TMCC3: variants seen among roughly 807,000 people sequenced by gnomAD.
TMCC3 encodes transmembrane and coiled-coil domain protein 3.
TMCC3 carries 28 observed loss-of-function variants against 40.2 expected under a neutral mutation model. The observed-to-expected ratio is 0.70, with a 90% CI of 0.52 to 0.95. The LOEUF (loss-of-function observed/expected upper bound fraction) is 0.95. TMCC3 is among the 40% of genes least tolerant of loss of function. The probability of loss-of-function intolerance (pLI) is 0.00; values close to 1 mark genes in which losing one functional copy is unlikely to be tolerated. For missense variants in TMCC3, 554 were observed against 615.2 expected (o/e 0.90, Z 1.05); for synonymous variants, 255 against 248.5 (o/e 1.03, Z -0.25).
At position 94,582,965 on chromosome 12, in the gene TMCC3, CTTTTTTTT is replaced by C. The variant is rs753900771; in HGVS notation, c.79-435_79-428del. On this transcript the variant is annotated intron_variant, in intron 1 of 3. Coordinates refer to ENST00000261226, the MANE Select transcript of TMCC3 (RefSeq NM_020698.4). ...CTCACTCACTTAATAGAAGGAGAATCTTTTTTTTTTTTTTTTTTTTTTTTTTTTTAAAA... is the reference window on the plus strand; with the variant it reads ...CTCACTCACTTAATAGAAGGAGAATCTTTTTTTTTTTTTTTTTTTTTAAAA... Among the ~76,000 whole-genome samples, 20 of 59,958 alleles carry C rather than the reference CTTTTTTTT, an allele frequency of 3.3e-4. 1 individual carries two copies. Among genetic ancestry groups the C allele is most frequent in the Non-Finnish European group, 4.6e-4 (16 of 35,120 alleles). 39.3% of individuals were successfully genotyped at this position (59,958 alleles called of 152,430 possible).
intron 1 of TMCC3, among the ~76,000 whole-genome samples, chr12:94,641,477 C>G (rs866616861): frequency 2.6e-5 from 4 of 152,112 alleles, no homozygotes; most frequent in Non-Finnish European, 4.4e-5. Context: ...AGAAGTCACA[C>G]GGGCTTTTTC....
At chr12:94,574,649 A>G (rs1420487059) in intron 3 of TMCC3, among the ~76,000 whole-genome samples, 4 of 152,234 alleles carry the variant, frequency 2.6e-5, no homozygotes, top group Non-Finnish European at 5.9e-5. Context: ...AACTTCTATT[A>G]TACTAGGCTA....
At chr12:94,613,923 T>A (rs551126031) in intron 1 of TMCC3, 2 of 151,844 alleles carry the variant, frequency 1.3e-5, no homozygotes, top group East Asian at 3.9e-4. Flanking sequence ...TGAAACCCCA[T>A]CTCTACTAAA....
Position 94,571,525 on chromosome 12 carries a change from G to A in TMCC3, c.1344C>T (p.Gly448=), listed in dbSNP as rs2068527873. The part of the protein sequence containing the change: ...PMMKSRCHIL[G]TFFAVTLLAI... The stretch of plus-strand genomic sequence containing the variant: ...CAAGAAGAGTCACGGCAAAGAAGGT[G>A]CCAAGAATGTGGCAGCGACTCTTCA... Residue 448 remains glycine (G), a synonymous_variant, in exon 4 of 4, where the codon GGC becomes GGT. Transcript: ENST00000261226. The A allele has an allele frequency of 6.2e-7, 1 of 1,614,138 alleles. No individual in the cohort carries two copies. The highest frequency in any genetic ancestry group is 8.5e-7 in the Non-Finnish European group (1 of 1,180,014).
intron 1 of TMCC3, among the ~76,000 whole-genome samples, chr12:94,635,364 T>C (rs887645279): frequency 6.6e-6 from 1 of 152,106 alleles, no homozygotes; most frequent in Non-Finnish European, 1.5e-5. Flanking sequence ...CTCTTCCATC[T>C]CCCGAGCTGC....
Position 94,571,279 on chromosome 12 carries a change from T to A in TMCC3, c.*156A>T. 1 of 756,084 alleles carries A rather than the reference T, an allele frequency of 1.3e-6. No individual in the cohort carries two copies. Among genetic ancestry groups the A allele is most frequent in the African/African-American group, 1.8e-5 (1 of 56,750 alleles). 46.8% of individuals were successfully genotyped at this position (756,084 alleles called of 1,614,324 possible). ...GTACAAGGACTGAGTTGGCAACTGC[T>A]ACGGAGTTAAGAGAATTGTAGTTAT... On this transcript the variant is annotated 3_prime_UTR_variant, in exon 4 of 4. Transcript: ENST00000261226.
intron 1 of TMCC3, among the ~76,000 whole-genome samples, chr12:94,639,829 G>A (rs1456115539): frequency 6.6e-6 from 1 of 150,834 alleles, no homozygotes; most frequent in Admixed American, 6.6e-5. Context: ...ACTCGGTTCT[G>A]CTGAAATTTG....
intron 1 of TMCC3, chr12:94,598,867 A>G: frequency 1.4e-6 from 1 of 739,350 alleles, no homozygotes; most frequent in African/African-American, 1.9e-5. Context: ...CTGTATCATG[A>G]CCCTTCTTAG....
At chr12:94,593,410 GGAA>G (rs1454297561) in intron 1 of TMCC3, among the ~76,000 whole-genome samples, 2 of 17,384 alleles carry the variant, frequency 1.2e-4, no homozygotes, top group Non-Finnish European at 2.3e-4. Flanking sequence ...AGAAGAAGAA[GGAA>G]GAAGAAGAAG....
chr12:94,647,768 A>G (rs1197053192), intron 1 of TMCC3, among the ~76,000 whole-genome samples: 1 of 152,232 alleles, frequency 6.6e-6, no homozygotes, highest in East Asian at 1.9e-4. Flanking sequence ...AGGAGCTACG[A>G]TCATTTAAAT....
At position 94,620,340 on chromosome 12, in the gene TMCC3, T is replaced by C. The variant is rs1009951956; in HGVS notation, c.78+30013A>G. Among the ~76,000 whole-genome samples, 16 of 149,968 alleles carry C rather than the reference T, an allele frequency of 1.1e-4. No individual in the cohort carries two copies. In the East Asian group the frequency reaches 2.8e-3, roughly 26 times the overall value. On this transcript the variant is annotated intron_variant, in intron 1 of 3. Coordinates refer to ENST00000261226, the MANE Select transcript of TMCC3 (RefSeq NM_020698.4). ...TCTTGCTCTGTCGCCCAGGCTGGAG[T>C]GTAATGGCGCGATCTCGGCTCACTG...
chr12:94,595,851 A>G (rs1462380544), intron 1 of TMCC3, among the ~76,000 whole-genome samples: 1 of 103,664 alleles, frequency 9.6e-6, no homozygotes, highest in Non-Finnish European at 1.8e-5. Flanking sequence ...ATAATATAGC[A>G]TTCCACTTAA....
chr12:94,589,777 A>G (rs2068660984), intron 1 of TMCC3, among the ~76,000 whole-genome samples: 1 of 152,200 alleles, frequency 6.6e-6, no homozygotes, highest in African/African-American at 2.4e-5. Context: ...TATTCTTCAC[A>G]CCAACCCTTT....
rs540639719 is a variant in TMCC3, at chr12:94,607,291, C to T, written c.79-24753G>A. On this transcript the variant is annotated intron_variant, in intron 1 of 3. Coordinates refer to ENST00000261226, the MANE Select transcript of TMCC3 (RefSeq NM_020698.4). ...ACTGATTTCATATTGTTCAAACACA[C>T]GTTTTACAATCTATTGTACAATAGT... 7.9e-3 allele frequency among the ~76,000 whole-genome samples: 1,193 copies of T among 150,960 alleles called. 8 individuals are homozygous for T. Among genetic ancestry groups the T allele is most frequent in the Non-Finnish European group, 0.011 (776 of 67,836 alleles).
At chr12:94,634,302 G>T (rs550946650) in intron 1 of TMCC3, among the ~76,000 whole-genome samples, 20 of 151,628 alleles carry the variant, frequency 1.3e-4, no homozygotes, top group Non-Finnish European at 2.8e-4. Flanking sequence ...CCCCAAACAT[G>T]CAAAAAATTA....
intron 1 of TMCC3, among the ~76,000 whole-genome samples, chr12:94,648,839 G>GA (rs2069035648): frequency 6.6e-6 from 1 of 152,272 alleles, no homozygotes. Flanking sequence ...GTTGTGACAA[G>GA]AAAAAACAAG....
intron 1 of TMCC3, among the ~76,000 whole-genome samples, chr12:94,604,822 A>AG (rs1263866393): frequency 6.6e-6 from 1 of 151,054 alleles, no homozygotes; most frequent in Non-Finnish European, 1.5e-5. Flanking sequence ...AAAAAAAAAA[A>AG]AAGAAGTAAT....
intron 1 of TMCC3, among the ~76,000 whole-genome samples, chr12:94,582,875 G>C (rs1309354205): frequency 6.6e-6 from 1 of 151,816 alleles, no homozygotes; most frequent in African/African-American, 2.4e-5. Context: ...CCAGGTAACT[G>C]GAATGCCTGC....
intron 1 of TMCC3, among the ~76,000 whole-genome samples, chr12:94,649,816 C>G (rs976897948): frequency 1.3e-5 from 2 of 152,264 alleles, no homozygotes; most frequent in African/African-American, 2.4e-5. Context: ...TCCGGAGAGG[C>G]AGCGCAAAGA....
Sources: allele counts gnomAD v4.1 joint callset (sites outside exome capture counted in the v4.1 genomes callset), GRCh38; gene constraint gnomAD v4.1.1; transcripts MANE v1.5; gene names NCBI Gene and HGNC (gene_info 2026-07-23, HGNC 2026-07-21).